Variants in ASXL3 observed in about 807,000 individuals in gnomAD.
ASXL3 encodes the protein putative Polycomb group protein ASXL3.
In ASXL3, 34 loss-of-function variants were observed where a neutral mutation model predicts 170.6. That is an observed-to-expected ratio of 0.20 (90% CI 0.15 to 0.27). ASXL3 has a LOEUF of 0.27. Ranked by LOEUF, ASXL3 falls within the 10% of genes least tolerant of loss-of-function variation. The pLI, the probability that ASXL3 is intolerant of heterozygous loss-of-function variation, is 1.00. For missense variants in ASXL3, 2,592 were observed against 2,695.3 expected (o/e 0.96, Z 0.85); for synonymous variants, 1,002 against 989.1 (o/e 1.01, Z -0.24).
chr18:33,648,198 TA>T (rs1390352753), intron 4 of ASXL3, among the ~76,000 whole-genome samples: 5 of 152,072 alleles, frequency 3.3e-5, no homozygotes, highest in African/African-American at 1.2e-4. Flanking sequence ...GCAGGATCAC[TA>T]ACTACGAAAA....
At chr18:33,609,116 C>G (rs1463276679) in intron 2 of ASXL3, 3 of 957,638 alleles carry the variant, frequency 3.1e-6, no homozygotes, top group Non-Finnish European at 3.7e-6. Flanking sequence ...AAAGGAGATC[C>G]TATTTTAACC....
At chr18:33,674,656 C>A (rs1043526952) in intron 7 of ASXL3, among the ~76,000 whole-genome samples, 3 of 150,566 alleles carry the variant, frequency 2.0e-5, no homozygotes, top group African/African-American at 4.9e-5. Context: ...CTCGCTCTGT[C>A]GCTCCAGACT....
At position 33,661,750 on chromosome 18, in the gene ASXL3, C is replaced by T; in HGVS notation, c.477+13C>T. ...GGCTCTTAAACAGGTAAGATAGCTG[C>T]CATTTATTCTTTGTCCTTCAGTTCT... On this transcript the variant is annotated intron_variant, in intron 5 of 11. Coordinates refer to ENST00000269197, the MANE Select transcript of ASXL3 (RefSeq NM_030632.3). 3.1e-6 allele frequency: 5 copies of T among 1,609,294 alleles called. No individual in the cohort carries two copies. The highest frequency in any genetic ancestry group is 1.3e-5 in the African/African-American group (1 of 74,820).
chr18:33,598,504 T>C (rs9957186), intron 1 of ASXL3, among the ~76,000 whole-genome samples: 4,004 of 152,296 alleles, frequency 0.026, 198 homozygotes, highest in African/African-American at 0.092. Flanking sequence ...CTCATGTTTC[T>C]TTCATTCAGC....
chr18:33,733,679 A>T (rs546997053), intron 9 of ASXL3, among the ~76,000 whole-genome samples: 7 of 152,192 alleles, frequency 4.6e-5, no homozygotes, highest in Non-Finnish European at 1.0e-4. Flanking sequence ...TAGAACATCT[A>T]TTGGGTAATT....
intron 4 of ASXL3, among the ~76,000 whole-genome samples, chr18:33,655,939 A>G (rs2066077204): frequency 6.6e-6 from 1 of 152,036 alleles, no homozygotes; most frequent in African/African-American, 2.4e-5. Flanking sequence ...TATCTAGACC[A>G]TTGTTCTTTG....
intron 2 of ASXL3, among the ~76,000 whole-genome samples, chr18:33,610,845 CG>C (rs2065325689): frequency 6.6e-6 from 1 of 151,932 alleles, no homozygotes. Flanking sequence ...AAACTTAACA[CG>C]TTTGTGGAAA....
At position 33,745,446 on chromosome 18, in the gene ASXL3, T is replaced by C; in HGVS notation, c.5598T>C (p.Ser1866=). 6.2e-7 allele frequency: 1 copy of C among 1,613,970 alleles called. No individual in the cohort carries two copies. The highest frequency in any genetic ancestry group is 8.5e-7 in the Non-Finnish European group (1 of 1,179,886). The change falls in exon 12 of 12, where the codon AGT becomes AGC. Residue 1866 remains serine, a synonymous_variant. Coordinates refer to ENST00000269197, the MANE Select transcript of ASXL3 (RefSeq NM_030632.3). ...GVPCVISSGI[S]QLGHSQPFKQ... ...CTTGTGTCATCAGTTCCGGCATCAG[T>C]CAGCTAGGACACAGCCAGCCATTTA... is the stretch of plus-strand genomic sequence containing the variant.
At chr18:33,685,775 A>G (rs1337998654) in intron 8 of ASXL3, among the ~76,000 whole-genome samples, 1 of 152,116 alleles carries the variant, frequency 6.6e-6, no homozygotes, top group Non-Finnish European at 1.5e-5. Flanking sequence ...GAGAGAGAGG[A>G]AGGAAGTGCC....
intron 8 of ASXL3, among the ~76,000 whole-genome samples, chr18:33,687,623 G>A (rs1170557732): frequency 6.6e-6 from 1 of 152,016 alleles, no homozygotes; most frequent in Non-Finnish European, 1.5e-5. Flanking sequence ...GCTGAGTTTC[G>A]CATTTATCTT....
At chr18:33,647,247 G>T (rs12456504) in intron 4 of ASXL3, among the ~76,000 whole-genome samples, 68,337 of 151,812 alleles carry the variant, frequency 0.45, 16,267 homozygotes, top group East Asian at 0.79. Flanking sequence ...TCCTCTGCAT[G>T]CTCACTGAAT....
intron 4 of ASXL3, among the ~76,000 whole-genome samples, 185 bp downstream of exon 4, chr18:33,646,538 C>T (rs748601282): frequency 6.6e-6 from 1 of 151,924 alleles, no homozygotes; most frequent in Admixed American, 6.6e-5. Flanking sequence ...GTATATAGTT[C>T]TTTGCTTTTG....
intron 1 of ASXL3, among the ~76,000 whole-genome samples, chr18:33,603,830 CAA>C (rs1490614119): frequency 6.6e-6 from 1 of 151,992 alleles, no homozygotes; most frequent in African/African-American, 2.4e-5. Context: ...AGTTTTAACA[CAA>C]GAGAACAATT....
intron 8 of ASXL3, among the ~76,000 whole-genome samples, chr18:33,690,748 G>A (rs2066674385): frequency 1.3e-5 from 2 of 152,114 alleles, no homozygotes; most frequent in Admixed American, 1.3e-4. Flanking sequence ...CTTGTAGGTA[G>A]CCAGTCTTCC....
At chr18:33,667,918 G>A (rs952025843) in intron 5 of ASXL3, among the ~76,000 whole-genome samples, 1 of 152,240 alleles carries the variant, frequency 6.6e-6, no homozygotes, top group African/African-American at 2.4e-5. Flanking sequence ...TTGCAGAAAG[G>A]ATAAGTTATA....
At chr18:33,700,482 G>A (rs1432013471) in intron 8 of ASXL3, among the ~76,000 whole-genome samples, 1 of 151,984 alleles carries the variant, frequency 6.6e-6, no homozygotes, top group East Asian at 1.9e-4. Context: ...GTAGATATCA[G>A]GATCATGTAC....
chr18:33,687,771 A>G (rs946298553), intron 8 of ASXL3, among the ~76,000 whole-genome samples: 3 of 152,124 alleles, frequency 2.0e-5, no homozygotes, highest in Non-Finnish European at 4.4e-5. Flanking sequence ...ACATTGCTGC[A>G]TCTAGTTTTA....
intron 7 of ASXL3, among the ~76,000 whole-genome samples, chr18:33,673,796 C>T (rs969290302): frequency 1.3e-5 from 2 of 152,174 alleles, no homozygotes; most frequent in African/African-American, 4.8e-5. Context: ...TTAGGAAATC[C>T]TGCATGCCAC....
intron 5 of ASXL3, among the ~76,000 whole-genome samples, chr18:33,667,421 C>T (rs917508364): frequency 1.3e-5 from 2 of 152,150 alleles, no homozygotes; most frequent in African/African-American, 4.8e-5. Context: ...TATAAGTCCT[C>T]GAATCTAATT....
Sources: allele counts gnomAD v4.1 joint callset (sites outside exome capture counted in the v4.1 genomes callset), GRCh38; gene constraint gnomAD v4.1.1; transcripts MANE v1.5; gene names NCBI Gene and HGNC (gene_info 2026-07-23, HGNC 2026-07-21).